The following COL15A1 variants were observed in gnomAD, a reference collection of about 807,000 sequenced individuals.
COL15A1 encodes collagen alpha-1(XV) chain.
A neutral mutation model predicts 165.9 loss-of-function variants in COL15A1; 111 were observed. The observed-to-expected ratio is 0.67, with a 90% CI of 0.57 to 0.78. COL15A1 has a LOEUF of 0.78. Among genes scored for constraint, COL15A1 ranks in the 30% least tolerant of loss-of-function variants. The pLI, the probability that COL15A1 is intolerant of heterozygous loss-of-function variation, is 0.00. For missense variants in COL15A1, 1,745 were observed against 1,789.7 expected (o/e 0.98, Z 0.45); for synonymous variants, 659 against 674.8 (o/e 0.98, Z 0.36).
chr9:98,996,733 T>A (rs963153959), intron 5 of COL15A1, among the ~76,000 whole-genome samples: 2 of 152,206 alleles, frequency 1.3e-5, no homozygotes, highest in Admixed American at 1.3e-4. Flanking sequence ...GTGAACAGAA[T>A]CTAATGACCT....
chr9:99,063,027 T>G, intron 38 of COL15A1, 23 bp from the exon 39 acceptor site: 1 of 1,592,984 alleles, frequency 6.3e-7, no homozygotes, highest in Non-Finnish European at 8.5e-7. Flanking sequence ...CAGAACTGTT[T>G]CTTTTCCTCC....
chr9:98,951,903 C>T (rs1315297834), intron 2 of COL15A1, among the ~76,000 whole-genome samples: 1 of 152,200 alleles, frequency 6.6e-6, no homozygotes, highest in African/African-American at 2.4e-5. Context: ...TACCTGGGGA[C>T]CCCCAAATCA....
intron 11 of COL15A1, among the ~76,000 whole-genome samples, chr9:99,016,960 A>G (rs1838945077): frequency 1.3e-5 from 2 of 152,210 alleles, no homozygotes; most frequent in South Asian, 4.1e-4. Flanking sequence ...GAGGTCCTGA[A>G]TGCCCCTTGC....
chr9:99,053,603 A>ACTG (rs1225833413), intron 31 of COL15A1, among the ~76,000 whole-genome samples: 1 of 152,124 alleles, frequency 6.6e-6, no homozygotes, highest in Non-Finnish European at 1.5e-5. Flanking sequence ...TCTTCTGATC[A>ACTG]CTGCTGTCTG....
intron 12 of COL15A1, among the ~76,000 whole-genome samples, chr9:99,020,990 T>C (rs1839017432): frequency 6.6e-6 from 1 of 152,224 alleles, no homozygotes; most frequent in Non-Finnish European, 1.5e-5. Context: ...AGAAGTGCTT[T>C]AGCTGGTGTC....
chr9:99,065,982 C>T (rs1825885431), intron 39 of COL15A1, among the ~76,000 whole-genome samples: 1 of 151,668 alleles, frequency 6.6e-6, no homozygotes, highest in Non-Finnish European at 1.5e-5. Flanking sequence ...CGCCTCCTGC[C>T]CCACCGCCTG....
intron 9 of COL15A1, among the ~76,000 whole-genome samples, chr9:99,005,779 C>T (rs995461922): frequency 4.6e-5 from 7 of 152,210 alleles, no homozygotes; most frequent in African/African-American, 1.4e-4. Flanking sequence ...CTGAGCCTGC[C>T]GTGTCCCCAG....
At chr9:99,017,758 A>G (rs185413583) in intron 11 of COL15A1, among the ~76,000 whole-genome samples, 1 of 152,122 alleles carries the variant, frequency 6.6e-6, no homozygotes, top group Non-Finnish European at 1.5e-5. Flanking sequence ...ACCAAGTTCA[A>G]ATCTCCCTAG....
intron 2 of COL15A1, among the ~76,000 whole-genome samples, chr9:98,971,790 T>C (rs55870060): frequency 0.15 from 23,173 of 152,150 alleles, 1,972 homozygotes; most frequent in East Asian, 0.32. Context: ...TGAGCAGAGC[T>C]GGGTCACAGG....
At chr9:98,963,233 G>C (rs1837890753) in intron 2 of COL15A1, among the ~76,000 whole-genome samples, 1 of 152,088 alleles carries the variant, frequency 6.6e-6, no homozygotes, top group Non-Finnish European at 1.5e-5. Context: ...ATGCACCTTA[G>C]GTAGCTAGGA....
intron 14 of COL15A1, 126 bp from the exon 15 acceptor site, chr9:99,024,748 C>A: frequency 1.8e-6 from 2 of 1,117,628 alleles, no homozygotes; most frequent in Non-Finnish European, 2.5e-6. Context: ...TCCGCATCTG[C>A]TAAGTGGGAT....
chr9:99,052,578 G>A, intron 31 of COL15A1, 145 bp downstream of exon 31: 1 of 702,460 alleles, frequency 1.4e-6, no homozygotes, highest in Middle Eastern at 2.5e-4. Flanking sequence ...GCTGAGCCAA[G>A]GCTGTGGGGC....
intron 39 of COL15A1, among the ~76,000 whole-genome samples, chr9:99,066,157 G>A (rs1825887580): frequency 1.3e-5 from 2 of 150,344 alleles, no homozygotes; most frequent in South Asian, 4.4e-4. Context: ...CCTTGATTAT[G>A]GAATGCATTC....
Position 99,070,264 on chromosome 9 carries a change from A to T in COL15A1, c.*378A>T. On this transcript the variant is annotated 3_prime_UTR_variant, in exon 42 of 42. Transcript: ENST00000375001. ...TGTAAGATGTCCTTCATGTTTTCTT[A>T]TAAAGTCAGTGTTTAGAAATGTTAC... is the stretch of plus-strand genomic sequence containing the variant. The T allele has an allele frequency of 4.5e-6, 1 of 223,394 alleles. No individual in the cohort carries two copies. Among genetic ancestry groups the T allele is most frequent in the Admixed American group, 5.4e-5 (1 of 18,384 alleles). The allele number at this position is 223,394 out of a possible 1,614,324, so 13.8% of individuals were successfully genotyped here.
At chr9:98,974,339 G>A (rs1224781052) in intron 2 of COL15A1, among the ~76,000 whole-genome samples, 1 of 152,184 alleles carries the variant, frequency 6.6e-6, no homozygotes, top group African/African-American at 2.4e-5. Flanking sequence ...GTCCCTCCAG[G>A]GAGGTGGGAG....
rs1275741644 is a variant in COL15A1 at position 99,043,891 on chromosome 9, C to T, written c.2575-677C>T. 2.0e-5 allele frequency among the ~76,000 whole-genome samples: 3 copies of T among 152,280 alleles called. No homozygotes were observed. In the East Asian group the frequency reaches 5.8e-4, roughly 29 times the overall value. On this transcript the variant is annotated intron_variant, in intron 24 of 41. Coordinates refer to ENST00000375001, the MANE Select transcript of COL15A1 (RefSeq NM_001855.5). ...TCTCTGCTGAGGACAGGATTGGGGTCAGGATCCTGTGTTCTTGCCACCAGT... is the reference window on the plus strand; with the variant it reads ...TCTCTGCTGAGGACAGGATTGGGGTTAGGATCCTGTGTTCTTGCCACCAGT...
rs569576883 is a variant in COL15A1, at chr9:98,992,170, G to C, written c.804+2912G>C. ...CGCCGCAGAGCAGGGGGCGGTCCCC[G>C]TCAGGGAGGCTTGGGCCATGTGGGA... On this transcript the variant is annotated intron_variant, in intron 5 of 41. Coordinates refer to ENST00000375001, the MANE Select transcript of COL15A1 (RefSeq NM_001855.5). Among the ~76,000 whole-genome samples, 3 of 152,384 alleles carry C rather than the reference G, an allele frequency of 2.0e-5. No homozygotes were observed. In the East Asian group the frequency reaches 5.8e-4, roughly 29 times the overall value.
Position 98,980,047 on chromosome 9 carries a change from A to T in COL15A1, c.101-5518A>T, listed in dbSNP as rs115717299. Reference sequence around the variant, plus strand: ...ATGCTGCATGCCTGTAGCCCCAGACATTTGGGAGGCTGAGAGGTGGAAGGG... The same window carrying T: ...ATGCTGCATGCCTGTAGCCCCAGACTTTTGGGAGGCTGAGAGGTGGAAGGG... On this transcript the variant is annotated intron_variant, in intron 2 of 41. Coordinates refer to ENST00000375001, the MANE Select transcript of COL15A1 (RefSeq NM_001855.5). Among the ~76,000 whole-genome samples, 1,057 of 152,100 alleles carry T rather than the reference A, an allele frequency of 6.9e-3. 16 individuals carry two copies. Among genetic ancestry groups the T allele is most frequent in the African/African-American group, 0.024 (1,007 of 41,486 alleles).
At chr9:98,950,418 A>ATTCT (rs1007580228) in intron 2 of COL15A1, among the ~76,000 whole-genome samples, 2 of 150,928 alleles carry the variant, frequency 1.3e-5, no homozygotes, top group African/African-American at 2.4e-5. Context: ...TTTATTTGCA[A>ATTCT]TTCTTTCTTT....
Sources: allele counts gnomAD v4.1 joint callset (sites outside exome capture counted in the v4.1 genomes callset), GRCh38; gene constraint gnomAD v4.1.1; transcripts MANE v1.5; gene names NCBI Gene and HGNC (gene_info 2026-07-23, HGNC 2026-07-21).